The following LUZP1 variants were observed in gnomAD, a reference collection of about 807,000 sequenced individuals.
The protein encoded by LUZP1 is leucine zipper protein 1.
A neutral mutation model predicts 71.3 loss-of-function variants in LUZP1; 25 were observed. The ratio of observed to expected loss-of-function variants is 0.35; its 90% CI spans 0.26 to 0.49. The LOEUF is 0.49. Ranked by LOEUF, LUZP1 falls within the 20% of genes least tolerant of loss-of-function variation. The pLI is 0.99. For synonymous variants in LUZP1, 481 were observed against 506.4 expected, an observed-to-expected ratio of 0.95 and a Z score of 0.67; for missense variants, 1,142 against 1,300.8, an observed-to-expected ratio of 0.88 and a Z score of 1.88.
At chr1:23,156,724 G>C (rs1185008790) in intron 2 of LUZP1, among the ~76,000 whole-genome samples, 2 of 152,148 alleles carry the variant, frequency 1.3e-5, no homozygotes, top group Non-Finnish European at 2.9e-5. Flanking sequence ...GGATTGGGAT[G>C]ACTGGGCGCA....
chr1:23,103,196 G>T (rs932310170), intron 3 of LUZP1, among the ~76,000 whole-genome samples: 1 of 150,954 alleles, frequency 6.6e-6, no homozygotes, highest in Admixed American at 6.6e-5. Flanking sequence ...TTCGCCCTTC[G>T]AGCCTTCTAA....
At chr1:23,136,705 G>A (rs546477338) in intron 2 of LUZP1, among the ~76,000 whole-genome samples, 35 of 152,156 alleles carry the variant, frequency 2.3e-4, no homozygotes, top group African/African-American at 4.8e-4. Context: ...TCAGGAGATC[G>A]AGACCATCCT....
intron 2 of LUZP1, among the ~76,000 whole-genome samples, chr1:23,163,237 CAAA>C (rs36097785): frequency 2.2e-5 from 1 of 45,156 alleles, no homozygotes; most frequent in Non-Finnish European, 4.5e-5. Flanking sequence ...GAGACTCTCT[CAAA>C]AAAAAAAAAA....
intron 2 of LUZP1, among the ~76,000 whole-genome samples, chr1:23,144,894 T>A (rs1644330334): frequency 6.6e-6 from 1 of 151,980 alleles, no homozygotes. Flanking sequence ...TTGGGGGGAT[T>A]TTTTGGTTGT....
rs140436998 is a variant in LUZP1, at chr1:23,143,613, C to T, written c.-226+25153G>A. Among the ~76,000 whole-genome samples the T allele has an allele frequency of 5.8e-3, 884 of 152,226 alleles. 9 individuals carry two copies. The highest frequency in any genetic ancestry group is 0.019 in the African/African-American group (804 of 41,530). ...ATTGTTATGCTGGATAAAACCTTTG[C>T]GCCAGGCTAACTGTTTACCATCCTT... On this transcript the variant is annotated intron_variant, in intron 2 of 4. Transcript: ENST00000302291.
chr1:23,085,868 C>G (rs749901587), exon 5 of LUZP1: 6 of 152,292 alleles, frequency 3.9e-5, no homozygotes, highest in Non-Finnish European at 8.8e-5. Context: ...AGCAGCAGCA[C>G]GTGGAAGAGA....
chr1:23,174,693 T>C (rs1644572615), intron 1 of LUZP1, among the ~76,000 whole-genome samples: 1 of 152,128 alleles, frequency 6.6e-6, no homozygotes, highest in South Asian at 2.1e-4. Context: ...AATAAAGATA[T>C]ACATAAAAAG....
intron 2 of LUZP1, among the ~76,000 whole-genome samples, chr1:23,111,628 G>A (rs1644033723): frequency 6.6e-6 from 1 of 152,080 alleles, no homozygotes; most frequent in Non-Finnish European, 1.5e-5. Flanking sequence ...GGATGTGGGG[G>A]AAGCTTTAGC....
chr1:23,150,777 T>C (rs1349815145), intron 2 of LUZP1, among the ~76,000 whole-genome samples: 1 of 152,138 alleles, frequency 6.6e-6, no homozygotes, highest in Non-Finnish European at 1.5e-5. Flanking sequence ...CAGCACTAAC[T>C]AGCCCTAATT....
chr1:23,157,085 A>G (rs746897503), intron 2 of LUZP1, among the ~76,000 whole-genome samples: 1 of 152,246 alleles, frequency 6.6e-6, no homozygotes, highest in South Asian at 2.1e-4. Flanking sequence ...TGTAATCCCA[A>G]CATTTTGGAA....
intron 3 of LUZP1, among the ~76,000 whole-genome samples, chr1:23,096,081 G>A (rs1383193150): frequency 1.3e-5 from 2 of 148,204 alleles, no homozygotes; most frequent in Admixed American, 1.4e-4. Context: ...ATTGGCTAGA[G>A]ACCATACAAT....
exon 4 of LUZP1, chr1:23,092,505 T>C (rs200446654): frequency 2.9e-4 from 474 of 1,614,206 alleles, no homozygotes; most frequent in South Asian, 2.2e-3. Flanking sequence ...CTCAAGGCCA[T>C]TGGCAGCCTT....
chr1:23,161,451 A>G (rs904202125), intron 2 of LUZP1, among the ~76,000 whole-genome samples: 2 of 152,222 alleles, frequency 1.3e-5, no homozygotes, highest in Admixed American at 1.3e-4. Flanking sequence ...GCCCTGAGGT[A>G]GGAAACAGCT....
At chr1:23,101,938 A>C (rs537635294) in intron 3 of LUZP1, among the ~76,000 whole-genome samples, 7 of 152,318 alleles carry the variant, frequency 4.6e-5, no homozygotes, top group Non-Finnish European at 8.8e-5. Context: ...GGAATCATAC[A>C]GATATAACCA....
chr1:23,178,076 GCAT>G (rs901890062), upstream of LUZP1, among the ~76,000 whole-genome samples: 1 of 152,194 alleles, frequency 6.6e-6, no homozygotes, highest in African/African-American at 2.4e-5. Flanking sequence ...GATCAAGTGG[GCAT>G]GATGCGACCC....
chr1:23,176,513 G>A (rs1644583259), intron 1 of LUZP1, among the ~76,000 whole-genome samples: 2 of 152,184 alleles, frequency 1.3e-5, no homozygotes, highest in African/African-American at 4.8e-5. Flanking sequence ...AGAATTCCAT[G>A]TATACAGACA....
At position 23,165,499 on chromosome 1, in the gene LUZP1, A is replaced by G. The variant is rs1413530960; in HGVS notation, c.-226+3267T>C. The stretch of plus-strand genomic sequence containing the variant: ...AGACCAGCCTGGGAAACACAGGGAA[A>G]CCTCATCTCTATAAATAAAAAAAAA... On this transcript the variant is annotated intron_variant, in intron 2 of 4. Transcript: ENST00000302291. Among the ~76,000 whole-genome samples the G allele has an allele frequency of 1.7e-4, 26 of 150,712 alleles. 1 individual carries two copies. Among genetic ancestry groups the G allele is most frequent in the Admixed American group, 1.3e-4 (2 of 15,112 alleles).
chr1:23,135,713 G>A (rs1644248132), intron 2 of LUZP1, among the ~76,000 whole-genome samples: 1 of 152,128 alleles, frequency 6.6e-6, no homozygotes, highest in Non-Finnish European at 1.5e-5. Flanking sequence ...GTTTAAGGCT[G>A]CAAATAGGTC....
exon 4 of LUZP1, chr1:23,091,745 G>A (rs1285329505): frequency 1.2e-6 from 2 of 1,613,896 alleles, no homozygotes; most frequent in Non-Finnish European, 1.7e-6. Flanking sequence ...CAAAAGGGGA[G>A]CTGACATGGT....
Sources: gnomAD v4.1 joint callset for allele counts (sites outside exome capture counted in the v4.1 genomes callset) on GRCh38, gnomAD v4.1.1 for gene constraint, MANE v1.5 for transcripts, NCBI Gene and HGNC (gene_info 2026-07-23, HGNC 2026-07-21) for gene names.